The following FBXO31 variants were observed in gnomAD, a reference collection of about 807,000 sequenced individuals.
FBXO31 encodes F-box protein 31.
In FBXO31, 24 loss-of-function variants were observed where a neutral mutation model predicts 54.4. The observed-to-expected ratio is 0.44, with a 90% CI of 0.32 to 0.62. The LOEUF (loss-of-function observed/expected upper bound fraction) is 0.62, where lower values mean the gene tolerates loss of function less well. FBXO31 is among the 20% of genes least tolerant of loss of function. FBXO31 has a pLI of 0.05. For missense variants in FBXO31, 665 were observed against 787.1 expected, an observed-to-expected ratio of 0.84 and a Z score of 1.86; for synonymous variants, 388 against 335.6, an observed-to-expected ratio of 1.16 and a Z score of -1.71.
At chr16:87,389,433 G>A (rs539964206) in intron 1 of FBXO31, 5 of 152,338 alleles carry the variant, frequency 3.3e-5, no homozygotes, top group Admixed American at 2.6e-4. Context: ...AAGGCCTGGA[G>A]TAATTTGGTA....
intron 2 of FBXO31, among the ~76,000 whole-genome samples, chr16:87,347,732 TAAGTAAAATG>T (rs1905456580): frequency 6.9e-6 from 1 of 145,098 alleles, no homozygotes; most frequent in Admixed American, 6.8e-5. Context: ...TCAGAAGGCC[TAAGTAAAATG>T]AGTCTCCCAT....
At chr16:87,392,091 C>A (rs886645320), upstream of FBXO31, 42 of 247,390 alleles carry the variant, frequency 1.7e-4, no homozygotes, top group Non-Finnish European at 2.9e-4. Flanking sequence ...ACCTCAGGGG[C>A]CTCAGGCGCC....
intron 2 of FBXO31, among the ~76,000 whole-genome samples, chr16:87,356,593 G>A (rs1905901650): frequency 6.6e-6 from 1 of 152,180 alleles, no homozygotes; most frequent in African/African-American, 2.4e-5. Flanking sequence ...CCTGAAGCGT[G>A]CTAACCAAAT....
rs1597357125 is a variant in FBXO31, at chr16:87,333,912, C to G, written c.1371G>C (p.Glu457Asp). The G allele has an allele frequency of 6.2e-7, 1 of 1,609,008 alleles. No individual in the cohort carries two copies. The highest frequency in any genetic ancestry group is 8.5e-7 in the Non-Finnish European group (1 of 1,177,340). Residue 457 changes from glutamate to aspartate, a missense_variant, in exon 8 of 9, where the codon GAG (glutamate) becomes GAC (aspartate). Glu to Asp is a conservative substitution (Grantham distance 45). Transcript: ENST00000311635. ...ACATCCTGCAGGTTCGGGGGTAGTC[C>G]TCATTCCTGGAGCTCACGCCCACGG... is the stretch of plus-strand genomic sequence containing the variant. ...VLPVGVSSRN[E>D]DYPRTCRMCF...
chr16:87,383,381 G>GCCCCCCCCCCCCCC lies in FBXO31; in HGVS notation c.340+23_340+24insGGGGGGGGGGGGGG. On this transcript the variant is annotated intron_variant, in intron 1 of 8. Transcript: ENST00000311635. This position sits in a 1 kb window ranked among gnomAD's most constrained non-coding sequence, Gnocchi z 4.9. The stretch of plus-strand genomic sequence containing the variant: ...TGGCAGGGACCCCCCGCCCCTCCCG[G>GCCCCCCCCCCCCCC]CCCCGCCACCCCCGCGCGCTCACCC... 1 of 1,417,876 alleles carries GCCCCCCCCCCCCCC rather than the reference G, an allele frequency of 7.1e-7. No homozygotes were observed. The allele number at this position is 1,417,876 out of a possible 1,614,324, so 87.8% of individuals were successfully genotyped here. A position where few individuals can be genotyped will look rare whatever the true frequency, so the allele number is the denominator to read the frequency against.
chr16:87,382,525 T>C (rs957937494), intron 1 of FBXO31, among the ~76,000 whole-genome samples: 1 of 152,188 alleles, frequency 6.6e-6, no homozygotes, highest in Admixed American at 6.5e-5. Context: ...TTACATCCAA[T>C]ATTGCTGAAG....
intron 1 of FBXO31, among the ~76,000 whole-genome samples, chr16:87,371,318 G>T (rs1175372573): frequency 2.0e-5 from 3 of 152,170 alleles, no homozygotes. Flanking sequence ...CCCTCCTCTG[G>T]CACCCACGAC....
Position 87,327,484 on chromosome 16 carries a change from T to TC in FBXO31, c.*3803dup, listed in dbSNP as rs2150663877. The TC allele has an allele frequency of 6.6e-6, 1 of 152,356 alleles. No homozygotes were observed. The highest frequency in any genetic ancestry group is 2.1e-4 in the South Asian group (1 of 4,830). The allele number at this position is 152,356 out of a possible 1,614,324, so 9.4% of individuals were successfully genotyped here. A position where few individuals can be genotyped will look rare whatever the true frequency, so the allele number is the denominator to read the frequency against. ...ACCAACCTGAGCAACATGGCAAAACTCCATCTCTACAAAAACAAGTTAGCC... is the reference window on the plus strand; with the variant it reads ...ACCAACCTGAGCAACATGGCAAAACTCCCATCTCTACAAAAACAAGTTAGCC... On this transcript the variant is annotated 3_prime_UTR_variant, in exon 9 of 9. Coordinates refer to ENST00000311635, the MANE Select transcript of FBXO31 (RefSeq NM_024735.5).
At chr16:87,356,655 C>T (rs1258724209) in intron 2 of FBXO31, among the ~76,000 whole-genome samples, 1 of 152,238 alleles carries the variant, frequency 6.6e-6, no homozygotes, top group Non-Finnish European at 1.5e-5. Context: ...AAGCGGGACC[C>T]AGTTCCCCAG....
chr16:87,381,057 C>T (rs1318913675), intron 1 of FBXO31, among the ~76,000 whole-genome samples: 1 of 152,210 alleles, frequency 6.6e-6, no homozygotes, highest in Non-Finnish European at 1.5e-5. Context: ...ACGACACATC[C>T]TTGGGGAATC....
intron 1 of FBXO31, among the ~76,000 whole-genome samples, chr16:87,361,003 C>G (rs138187663): frequency 1.3e-5 from 2 of 152,210 alleles, no homozygotes; most frequent in Non-Finnish European, 2.9e-5. Flanking sequence ...CACAGCTGCA[C>G]TTTTCACAAT....
chr16:87,350,106 G>T (rs1010340081), intron 2 of FBXO31, among the ~76,000 whole-genome samples: 5 of 152,084 alleles, frequency 3.3e-5, no homozygotes, highest in Admixed American at 3.3e-4. Flanking sequence ...GTGACTGGAC[G>T]AATGGGCAGG....
intron 2 of FBXO31, among the ~76,000 whole-genome samples, chr16:87,353,599 G>A (rs538015588): frequency 6.6e-6 from 1 of 152,382 alleles, no homozygotes; most frequent in Admixed American, 6.5e-5. Context: ...GGAAGAGGCG[G>A]TAAGGAGGCT....
chr16:87,343,653 G>T lies in FBXO31; in HGVS notation c.602C>A (p.Ala201Asp), dbSNP rs778944819. 6.2e-7 allele frequency: 1 copy of T among 1,614,082 alleles called. No homozygotes were observed. Among genetic ancestry groups the T allele is most frequent in the Admixed American group, 1.7e-5 (1 of 60,016 alleles). Residue 201 changes from alanine (A) to aspartate (D), a missense_variant, in exon 4 of 9, where the codon GCT becomes GAT. This residue lies in a region of FBXO31 where 234 missense variants were observed against 346.8 expected (regional missense o/e 0.67). Transcript: ENST00000311635. ...LFRIHLMERK[A>D]ATVECMYGHK... ...GCCGTACATGCACTCCACTGTGGCAGCCTTCCTCTCCATCAGGTGGATCCT... is the reference window on the plus strand; with the variant it reads ...GCCGTACATGCACTCCACTGTGGCATCCTTCCTCTCCATCAGGTGGATCCT...
At chr16:87,390,447 C>CA (rs1555514882), upstream of FBXO31, among the ~76,000 whole-genome samples, 4 of 146,486 alleles carry the variant, frequency 2.7e-5, no homozygotes, top group East Asian at 7.9e-4. Flanking sequence ...TATTTTCTTT[C>CA]TTTTTTTTTT....
rs1027428822 is a variant in FBXO31 at position 87,328,731 on chromosome 16, C to G, written c.*2557G>C. 6.6e-6 allele frequency: 1 copy of G among 152,290 alleles called. No homozygotes were observed. Among genetic ancestry groups the G allele is most frequent in the African/African-American group, 2.4e-5 (1 of 41,468 alleles). The allele number at this position is 152,290 out of a possible 1,614,324, so 9.4% of individuals were successfully genotyped here. On this transcript the variant is annotated 3_prime_UTR_variant, in exon 9 of 9. Coordinates refer to ENST00000311635, the MANE Select transcript of FBXO31 (RefSeq NM_024735.5). ...CTGCAGGCAGCCCCACTCCAGAGAG[C>G]AGACTTGATCCTGCCCCAGAGTGAG...
At chr16:87,363,619 G>A (rs947530461) in intron 1 of FBXO31, among the ~76,000 whole-genome samples, 12 of 145,022 alleles carry the variant, frequency 8.3e-5, no homozygotes, top group Admixed American at 2.9e-4. Context: ...AGGGTGACTG[G>A]CAAGAATGGC....
At chr16:87,377,154 G>C (rs762340768) in intron 1 of FBXO31, among the ~76,000 whole-genome samples, 1 of 152,210 alleles carries the variant, frequency 6.6e-6, no homozygotes, top group Non-Finnish European at 1.5e-5. Context: ...ATTAAAGTTG[G>C]AAATTTTAGG....
intron 2 of FBXO31, among the ~76,000 whole-genome samples, chr16:87,351,821 A>G (rs1272228285): frequency 6.6e-6 from 1 of 152,184 alleles, no homozygotes; most frequent in Non-Finnish European, 1.5e-5. Flanking sequence ...GTGAGCCAAG[A>G]TCATGCCACT....
Sources: allele counts gnomAD v4.1 joint callset (sites outside exome capture counted in the v4.1 genomes callset), GRCh38; gene constraint gnomAD v4.1.1; regional missense constraint gnomAD v4.1.1; non-coding constraint Gnocchi (gnomAD v3.1); transcripts MANE v1.5; gene names NCBI Gene and HGNC (gene_info 2026-07-23, HGNC 2026-07-21).